The following CCNO variants were observed in gnomAD, a reference collection of about 807,000 sequenced individuals.
CCNO encodes the protein cyclin O.
In CCNO, 24 loss-of-function variants were observed where a neutral mutation model predicts 23.9. That is an observed-to-expected ratio of 1.00 (90% confidence interval 0.73 to 1.41). The LOEUF (loss-of-function observed/expected upper bound fraction) is 1.41. Ranked by LOEUF, CCNO falls within the 40% of genes most tolerant of loss-of-function variation. The pLI, the probability that CCNO is intolerant of heterozygous loss-of-function variation, is 0.00. For synonymous variants in CCNO, 241 were observed against 225.7 expected (o/e 1.07, Z -0.61); for missense variants, 542 against 476.2 (o/e 1.14, Z -1.29).
Position 55,231,202 on chromosome 5 carries a change from G to A in CCNO, c.*173C>T, listed in dbSNP as rs1426777910. On this transcript the variant is annotated 3_prime_UTR_variant, in exon 3 of 3. Transcript: ENST00000282572. ...GGTGAAAGACTCAGCTTCCTCATGT[G>A]CTCGCTGCAAAATAAATAAAATACC... is the stretch of plus-strand genomic sequence containing the variant. The A allele has an allele frequency of 1.2e-5, 8 of 692,152 alleles. No homozygotes were observed. The highest frequency in any genetic ancestry group is 3.6e-5 in the African/African-American group (2 of 55,834). 42.9% of individuals were successfully genotyped at this position (692,152 alleles called of 1,614,324 possible).
At chr5:55,232,781 T>G in intron 1 of CCNO, 1 of 594,874 alleles carries the variant, frequency 1.7e-6, no homozygotes, top group South Asian at 2.1e-5. Context: ...CGTAATGGGC[T>G]CAGCAATTCA....
rs775587837 is a variant in CCNO, at chr5:55,231,379, T to C, written c.1049A>G (p.Lys350Arg). 1.9e-6 allele frequency: 3 copies of C among 1,613,586 alleles called. No individual in the cohort carries two copies. The Admixed American group carries it at 5.0e-5, about 27-fold the overall frequency. The change falls in exon 3 of 3, where the codon AAA becomes AGA. Residue 350 changes from lysine to arginine, a missense_variant. Lys to Arg is a conservative substitution (Grantham distance 26). Transcript: ENST00000282572. ...CEKCSLPPSS[K>R] ...AAAGGAAACGAAGGATCTGTTTTAT[T>C]TCGAGCTCGGGGGCAGGCTGCACTT...
chr5:55,233,413 G>C lies in CCNO; in HGVS notation c.111C>G (p.Leu37=). 6.2e-7 allele frequency: 1 copy of C among 1,609,090 alleles called. No individual in the cohort carries two copies. Among genetic ancestry groups the C allele is most frequent in the Non-Finnish European group, 8.5e-7 (1 of 1,178,508 alleles). The change falls in exon 1 of 3, where the codon CTC becomes CTG. Residue 37 remains leucine, a synonymous_variant. Transcript: ENST00000282572. ...APVKKSRRPR[L]RRKQPLHPLN... ...GGGGATGCAGCGGCTGCTTCCTCCG[G>C]AGGCGCGGACGCCTGCTCTTCTTCA...
In CCNO at chr5:55,231,709, A is replaced by C; in HGVS notation, c.719T>G (p.Phe240Cys). The part of the protein sequence containing the change: ...APTISFFLEH[F>C]THARVEAGQA... Reference sequence around the variant, plus strand: ...CCCCGCCTCCACGCGAGCGTGCGTGAAATGCTCCAGGAAGAAGCTAATGGT... The same window carrying C: ...CCCCGCCTCCACGCGAGCGTGCGTGCAATGCTCCAGGAAGAAGCTAATGGT... Residue 240 changes from phenylalanine to cysteine, a missense_variant, in exon 3 of 3, where the codon TTC becomes TGC. By Grantham distance (205) the Phe-to-Cys change is radical. Coordinates refer to ENST00000282572, the MANE Select transcript of CCNO (RefSeq NM_021147.5). 6.3e-7 allele frequency: 1 copy of C among 1,578,754 alleles called. No individual in the cohort carries two copies. The highest frequency in any genetic ancestry group is 1.3e-5 in the African/African-American group (1 of 74,438).
intron 1 of CCNO, chr5:55,232,811 AT>A: frequency 1.7e-6 from 1 of 591,062 alleles, no homozygotes. Context: ...GAGGGGTTCC[AT>A]TTTGCAGATG....
chr5:55,231,911 G>A, intron 2 of CCNO, 51 bp from the exon 3 acceptor site: 4 of 1,479,902 alleles, frequency 2.7e-6, no homozygotes, highest in South Asian at 1.3e-5. Context: ...CGGGCCCCAG[G>A]CCCACCCCAG....
rs1285056284 is a variant in CCNO, at chr5:55,231,883, C to G, written c.568-23G>C. The G allele has an allele frequency of 4.0e-6, 6 of 1,507,990 alleles. No individual in the cohort carries two copies. In the East Asian group the frequency reaches 1.5e-4, roughly 37 times the overall value. 93.4% of individuals were successfully genotyped at this position (1,507,990 alleles called of 1,614,324 possible). ...CACCTGCAACACAGGGCGCACTCAA[C>G]CCCGCTTTGCGGCTTCCCGGGCCCC... On this transcript the variant is annotated intron_variant, in intron 2 of 2. Transcript: ENST00000282572.
chr5:55,233,025 G>T, intron 1 of CCNO, 118 bp downstream of exon 1: 1 of 1,087,286 alleles, frequency 9.2e-7, no homozygotes, highest in Non-Finnish European at 1.3e-6. Context: ...CTTCGACTCG[G>T]GGCGGGACCT....
rs1442656324 is a variant in CCNO at position 55,233,503 on chromosome 5, G to A, written c.21C>T (p.Thr7=). The A allele has an allele frequency of 6.3e-7, 1 of 1,593,416 alleles. No individual in the cohort carries two copies. Among genetic ancestry groups the A allele is most frequent in the Non-Finnish European group, 8.5e-7 (1 of 1,170,926 alleles). Residue 7 remains threonine, a synonymous_variant, in exon 1 of 3, where the codon ACC becomes ACT. Coordinates refer to ENST00000282572, the MANE Select transcript of CCNO (RefSeq NM_021147.5). MVTPCP[T]SPSSPAARAG... is the part of the protein sequence containing the mutation. Reference sequence around the variant, plus strand: ...CTCGGGCGGCGGGGCTCGAGGGGCTGGTGGGACAGGGGGTCACCATGATGC... The same window carrying A: ...CTCGGGCGGCGGGGCTCGAGGGGCTAGTGGGACAGGGGGTCACCATGATGC...
At chr5:55,232,241 A>AT (rs1745605372) in intron 2 of CCNO, 120 bp downstream of exon 2, 1 of 870,616 alleles carries the variant, frequency 1.1e-6, no homozygotes, top group African/African-American at 1.7e-5. Flanking sequence ...GTCTGATAAA[A>AT]TGAGTTCTGG....
At chr5:55,232,813 T>C in intron 1 of CCNO, 1 of 590,244 alleles carries the variant, frequency 1.7e-6, no homozygotes, top group Non-Finnish European at 3.0e-6. Context: ...GGGGTTCCAT[T>C]TTGCAGATGA....
intron 1 of CCNO, 171 bp downstream of exon 1, chr5:55,232,972 T>A (rs1267195023): frequency 2.3e-5 from 16 of 683,888 alleles, no homozygotes; most frequent in Non-Finnish European, 4.8e-6. Flanking sequence ...CTTTTCTCCA[T>A]CTGTAAAATG....
chr5:55,232,474 C>G lies in CCNO; in HGVS notation c.454G>C (p.Glu152Gln). The change falls in exon 2 of 3, where the codon GAG (glutamate) becomes CAG (glutamine). Residue 152 changes from glutamate (E) to glutamine (Q), a missense_variant. Glu to Gln is a conservative substitution (Grantham distance 29). Coordinates refer to ENST00000282572, the MANE Select transcript of CCNO (RefSeq NM_021147.5). ...GTGTTCACCGTCAGGCACAGCGACTCGAAGGAGAGGCCGAATTGGCGGTGC... is the reference window on the plus strand; with the variant it reads ...GTGTTCACCGTCAGGCACAGCGACTGGAAGGAGAGGCCGAATTGGCGGTGC... ...PVHRQFGLSF[E>Q]SLCLTVNTLD... is the part of the protein sequence containing the mutation. 2 of 1,613,964 alleles carry G rather than the reference C, an allele frequency of 1.2e-6. No individual in the cohort carries two copies. The highest frequency in any genetic ancestry group is 1.1e-5 in the South Asian group (1 of 91,080).
Position 55,231,472 on chromosome 5 carries a change from T to G in CCNO, c.956A>C (p.Lys319Thr), listed in dbSNP as rs778828243. ...GTTTATGGCCACCAGCAGCTGCAAC[T>G]TGCCCATACAGTCCTCCAGCGCCGC... is the stretch of plus-strand genomic sequence containing the variant. ...PEAALEDCMG[K>T]LQLLVAINST... The change falls in exon 3 of 3, where the codon AAG becomes ACG. Residue 319 changes from lysine (K) to threonine (T), a missense_variant. Physicochemically the swap from Lys to Thr is moderately conservative, Grantham distance 78. Coordinates refer to ENST00000282572, the MANE Select transcript of CCNO (RefSeq NM_021147.5). The G allele has an allele frequency of 1.2e-6, 2 of 1,614,122 alleles. No individual in the cohort carries two copies. The highest frequency in any genetic ancestry group is 8.5e-7 in the Non-Finnish European group (1 of 1,180,022).
Position 55,233,568 on chromosome 5 carries a change from C to T in CCNO, c.-45G>A, listed in dbSNP as rs753344224. 2.0e-6 allele frequency: 3 copies of T among 1,469,440 alleles called. No individual in the cohort carries two copies. Among genetic ancestry groups the T allele is most frequent in the Admixed American group, 2.5e-5 (1 of 39,724 alleles). 91.0% of individuals were successfully genotyped at this position (1,469,440 alleles called of 1,614,324 possible). On this transcript the variant is annotated 5_prime_UTR_variant, in exon 1 of 3. Transcript: ENST00000282572. Reference sequence around the variant, plus strand: ...TTTACTACCTTCAACGCCCGGGCTGCGGCGGGCAGCAAACGCGCACTCGAA... The same window carrying T: ...TTTACTACCTTCAACGCCCGGGCTGTGGCGGGCAGCAAACGCGCACTCGAA...
At position 55,231,381 on chromosome 5, in the gene CCNO, C is replaced by T. The variant is rs762783381; in HGVS notation, c.1047G>A (p.Ser349=). The change falls in exon 3 of 3, where the codon TCG becomes TCA. Residue 349 remains serine, a synonymous_variant. Transcript: ENST00000282572. ...AGGAAACGAAGGATCTGTTTTATTT[C>T]GAGCTCGGGGGCAGGCTGCACTTCT... is the stretch of plus-strand genomic sequence containing the variant. ...ICEKCSLPPS[S]K 3 of 1,613,562 alleles carry T rather than the reference C, an allele frequency of 1.9e-6. No homozygotes were observed. In the Admixed American group the frequency reaches 5.0e-5, roughly 27 times the overall value.
chr5:55,231,789 G>A lies in CCNO; in HGVS notation c.639C>T (p.Leu213=), dbSNP rs1423899945. ...GCAGCACGATGCACTCGAGGTTGCA[G>A]AGCTGCTGCCGGGAGAAGGCGCCGC... is the stretch of plus-strand genomic sequence containing the variant. ...LCCGAFSRQQ[L]CNLECIVLHK... is the part of the protein sequence containing the mutation. The change falls in exon 3 of 3, where the codon CTC becomes CTT. Residue 213 remains leucine (L), a synonymous_variant. Coordinates refer to ENST00000282572, the MANE Select transcript of CCNO (RefSeq NM_021147.5). The A allele has an allele frequency of 4.5e-6, 7 of 1,560,198 alleles. No homozygotes were observed. The highest frequency in any genetic ancestry group is 6.1e-6 in the Non-Finnish European group (7 of 1,152,994).
At chr5:55,231,987 C>T in intron 2 of CCNO, 127 bp from the exon 3 acceptor site, 1 of 1,083,194 alleles carries the variant, frequency 9.2e-7, no homozygotes, top group Non-Finnish European at 1.3e-6. Flanking sequence ...TCCACTGCTT[C>T]CACGTAAGTG....
In CCNO at chr5:55,233,567, G is replaced by A. The variant is rs765979164; in HGVS notation, c.-44C>T. On this transcript the variant is annotated 5_prime_UTR_variant, in exon 1 of 3. Transcript: ENST00000282572. ...CTTTACTACCTTCAACGCCCGGGCTGCGGCGGGCAGCAAACGCGCACTCGA... is the reference window on the plus strand; with the variant it reads ...CTTTACTACCTTCAACGCCCGGGCTACGGCGGGCAGCAAACGCGCACTCGA... 6.8e-6 allele frequency: 10 copies of A among 1,470,772 alleles called. No individual in the cohort carries two copies. In the African/African-American group the frequency reaches 1.3e-4, roughly 19 times the overall value. 91.1% of individuals were successfully genotyped at this position (1,470,772 alleles called of 1,614,324 possible).
Sources: gnomAD v4.1 joint callset for allele counts on GRCh38, gnomAD v4.1.1 for gene constraint, MANE v1.5 for transcripts, NCBI Gene and HGNC (gene_info 2026-07-23, HGNC 2026-07-21) for gene names.